Variants in MBD5 observed in about 807,000 individuals in gnomAD.
The protein encoded by MBD5 is methyl-CpG binding domain protein 5.
Under a neutral mutation model 117.3 loss-of-function variants are expected in MBD5, and 13 were observed. That is an observed-to-expected ratio of 0.11 (90% CI 0.07 to 0.18). The LOEUF (loss-of-function observed/expected upper bound fraction) is 0.18, where lower values mean the gene tolerates loss of function less well. Ranked by LOEUF, MBD5 falls within the 10% of genes least tolerant of loss-of-function variation. The pLI is 1.00. For synonymous variants in MBD5, 727 were observed against 766.4 expected (o/e 0.95, Z 0.85); for missense variants, 1,879 against 2,093.8 (o/e 0.90, Z 2.00).
rs377286480 is a variant in MBD5 at position 148,409,396 on chromosome 2, AG to A, written c.-556-48806del. ...AGCAAGGCCCTGTCTCAAAAAAAAA[AG>A]AAAGAAAGAAAGAAAGAAAGGGAGA... On this transcript the variant is annotated intron_variant, in intron 4 of 13. Transcript: ENST00000642680. 1.2e-3 allele frequency among the ~76,000 whole-genome samples: 159 copies of A among 133,280 alleles called. 1 individual carries two copies. The highest frequency in any genetic ancestry group is 2.0e-3 in the African/African-American group (71 of 34,976). The allele number at this position is 133,280 out of a possible 152,430, so 87.4% of individuals were successfully genotyped here.
intron 4 of MBD5, among the ~76,000 whole-genome samples, chr2:148,447,984 A>G (rs750995831): frequency 1.1e-4 from 17 of 152,166 alleles, no homozygotes; most frequent in South Asian, 6.2e-4. Context: ...TCATTTGGTT[A>G]TACTGAAACT....
At chr2:148,186,363 C>T (rs1041387192) in intron 2 of MBD5, among the ~76,000 whole-genome samples, 1 of 152,166 alleles carries the variant, frequency 6.6e-6, no homozygotes, top group Non-Finnish European at 1.5e-5. Context: ...ACTTTTTCTT[C>T]CCAGTCTTGG....
At chr2:148,047,304 G>C (rs958687431) in intron 1 of MBD5, among the ~76,000 whole-genome samples, 1 of 152,098 alleles carries the variant, frequency 6.6e-6, no homozygotes, top group Non-Finnish European at 1.5e-5. Flanking sequence ...TCTAGCTCAA[G>C]CCATAACTAA....
At chr2:148,129,083 A>G (rs1026963234) in intron 1 of MBD5, among the ~76,000 whole-genome samples, 3 of 152,154 alleles carry the variant, frequency 2.0e-5, no homozygotes, top group Non-Finnish European at 4.4e-5. Flanking sequence ...TCCAACCCCA[A>G]TTTTAATTAT....
At chr2:148,074,484 GT>G (rs777885277) in intron 1 of MBD5, among the ~76,000 whole-genome samples, 4 of 123,166 alleles carry the variant, frequency 3.2e-5, no homozygotes, top group Middle Eastern at 9.1e-3. Flanking sequence ...GGAATAGTTT[GT>G]TTTTTTTTTG....
At chr2:148,254,679 A>C (rs1700541780) in intron 3 of MBD5, among the ~76,000 whole-genome samples, 1 of 152,158 alleles carries the variant, frequency 6.6e-6, no homozygotes, top group African/African-American at 2.4e-5. Context: ...GGGGGCACAA[A>C]ATCCATCAGG....
At chr2:148,494,271 C>G (rs184260922) in intron 11 of MBD5, among the ~76,000 whole-genome samples, 1 of 152,280 alleles carries the variant, frequency 6.6e-6, no homozygotes, top group African/African-American at 2.4e-5. Context: ...TAGTTCATAA[C>G]TATGTTTACA....
chr2:148,343,812 A>G (rs1273890358), intron 4 of MBD5, among the ~76,000 whole-genome samples: 1 of 152,078 alleles, frequency 6.6e-6, no homozygotes, highest in Admixed American at 6.6e-5. Flanking sequence ...ATTTAGTTTA[A>G]TTAGGTCCCA....
intron 1 of MBD5, among the ~76,000 whole-genome samples, chr2:148,043,736 G>C (rs1262383080): frequency 6.6e-6 from 1 of 152,046 alleles, no homozygotes; most frequent in Non-Finnish European, 1.5e-5. Flanking sequence ...ATTTGTGCTG[G>C]GTTGATAATT....
intron 8 of MBD5, among the ~76,000 whole-genome samples, chr2:148,475,104 G>A (rs1189891879): frequency 1.3e-5 from 2 of 152,116 alleles, no homozygotes; most frequent in Admixed American, 6.6e-5. Context: ...GAAAGAGGAA[G>A]AGCCTCCTTG....
intron 4 of MBD5, chr2:148,346,537 G>A (rs1233677309): frequency 6.6e-6 from 1 of 151,836 alleles, no homozygotes; most frequent in Non-Finnish European, 1.5e-5. Context: ...TACAATAAAA[G>A]TATATGGCAT....
intron 4 of MBD5, among the ~76,000 whole-genome samples, chr2:148,395,022 C>A (rs961069098): frequency 6.6e-6 from 1 of 152,056 alleles, no homozygotes; most frequent in Non-Finnish European, 1.5e-5. Flanking sequence ...TGTTGGAGCT[C>A]AGGATGTGGA....
intron 8 of MBD5, among the ~76,000 whole-genome samples, chr2:148,481,385 G>C (rs1201699623): frequency 1.3e-5 from 2 of 152,116 alleles, no homozygotes; most frequent in Non-Finnish European, 2.9e-5. Context: ...AAACATTTCT[G>C]TGTATTTGGA....
chr2:148,311,817 T>G (rs988092841), intron 3 of MBD5, among the ~76,000 whole-genome samples: 5 of 152,234 alleles, frequency 3.3e-5, no homozygotes, highest in Non-Finnish European at 7.3e-5. Flanking sequence ...TAGTGCTTCC[T>G]TCAGGAGCTC....
chr2:148,421,122 A>T lies in MBD5; in HGVS notation c.-556-37081A>T, dbSNP rs192197745. Among the ~76,000 whole-genome samples, 299 of 152,272 alleles carry T rather than the reference A, an allele frequency of 2.0e-3. 1 individual carries two copies. The highest frequency in any genetic ancestry group is 3.4e-3 in the Non-Finnish European group (233 of 68,008). ...ATTGCCGTTTAATACTGCCTGTGAG[A>T]GGTCTAATCTCAAGATGGCTGAACA... On this transcript the variant is annotated intron_variant, in intron 4 of 13. Transcript: ENST00000642680.
At chr2:148,190,935 A>G (rs1378656812) in intron 2 of MBD5, among the ~76,000 whole-genome samples, 1 of 142,430 alleles carries the variant, frequency 7.0e-6, no homozygotes, top group Non-Finnish European at 1.5e-5. Flanking sequence ...ATGGAAAACA[A>G]AAAAAGGCAG....
chr2:148,405,129 G>C (rs1574388840), intron 4 of MBD5, among the ~76,000 whole-genome samples: 1 of 151,682 alleles, frequency 6.6e-6, no homozygotes, highest in Admixed American at 6.6e-5. Context: ...ATATGTTTTT[G>C]AGTGTGTATA....
chr2:148,296,051 T>C (rs1317832991), intron 3 of MBD5: 1 of 171,848 alleles, frequency 5.8e-6, no homozygotes, highest in Non-Finnish European at 1.3e-5. Context: ...TTTTGTTCTA[T>C]ATCACAGGAA....
chr2:148,395,192 A>G (rs1191757943), intron 4 of MBD5, among the ~76,000 whole-genome samples: 2 of 152,096 alleles, frequency 1.3e-5, no homozygotes, highest in Non-Finnish European at 2.9e-5. Context: ...TGTTTGGCCT[A>G]TTCTGTTTTC....
Sources: gnomAD v4.1 joint callset for allele counts (sites outside exome capture counted in the v4.1 genomes callset) on GRCh38, gnomAD v4.1.1 for gene constraint, MANE v1.5 for transcripts, NCBI Gene and HGNC (gene_info 2026-07-23, HGNC 2026-07-21) for gene names.